HACE1: variants seen among roughly 807,000 people sequenced by gnomAD.
HACE1 encodes HECT domain and ankyrin repeat containing E3 ubiquitin protein ligase 1, also known as E3 ubiquitin-protein ligase HACE1.
A neutral mutation model predicts 118.4 loss-of-function variants in HACE1; 73 were observed. The observed-to-expected ratio is 0.62, with a 90% CI of 0.51 to 0.75. The LOEUF is 0.75. HACE1 is among the 30% of genes least tolerant of loss of function. HACE1 has a pLI of 0.00. For synonymous variants in HACE1, 368 were observed against 374.8 expected (o/e 0.98, Z 0.21); for missense variants, 749 against 1,102.2 (o/e 0.68, Z 4.54).
intron 19 of HACE1, among the ~76,000 whole-genome samples, chr6:104,761,243 C>A (rs1779322513): frequency 6.6e-6 from 1 of 152,162 alleles, no homozygotes; most frequent in South Asian, 2.1e-4. Context: ...ATAGCCATGA[C>A]AATCCTGGGC....
intron 7 of HACE1, among the ~76,000 whole-genome samples, chr6:104,799,454 C>T (rs978313083): frequency 1.3e-5 from 2 of 152,150 alleles, no homozygotes; most frequent in African/African-American, 4.8e-5. Flanking sequence ...GCTCTCTCAC[C>T]CGCTTCTGAT....
At chr6:104,799,437 G>T (rs1770051711) in intron 7 of HACE1, among the ~76,000 whole-genome samples, 2 of 152,142 alleles carry the variant, frequency 1.3e-5, no homozygotes, top group Non-Finnish European at 2.9e-5. Context: ...ACAAATTGCT[G>T]GGAAGAGCTC....
rs560580382 is a variant in HACE1, at chr6:104,841,136, T to C, written c.402+2087A>G. On this transcript the variant is annotated intron_variant, in intron 5 of 23. Coordinates refer to ENST00000262903, the MANE Select transcript of HACE1 (RefSeq NM_020771.4). ...TCTGTCTCAAAAAAAAAAAAAAAAA[T>C]AGCTGAGAGAAGTTGTTTAGGGAGT... Among the ~76,000 whole-genome samples the C allele has an allele frequency of 1.4e-3, 208 of 143,782 alleles. 1 individual carries two copies. The highest frequency in any genetic ancestry group is 5.1e-3 in the African/African-American group (201 of 39,380). 94.3% of individuals were successfully genotyped at this position (143,782 alleles called of 152,430 possible). A position where few individuals can be genotyped will look rare whatever the true frequency, so the allele number is the denominator to read the frequency against.
chr6:104,817,370 A>G (rs1373683738), intron 6 of HACE1, among the ~76,000 whole-genome samples: 2 of 152,020 alleles, frequency 1.3e-5, no homozygotes, highest in African/African-American at 4.8e-5. Context: ...CTGTAGGTTT[A>G]AAAGTGTGTG....
intron 7 of HACE1, among the ~76,000 whole-genome samples, chr6:104,804,027 A>C (rs1770706493): frequency 6.6e-6 from 1 of 152,198 alleles, no homozygotes; most frequent in South Asian, 2.1e-4. Flanking sequence ...CTCAGGATAC[A>C]AAATCAATGG....
intron 14 of HACE1, among the ~76,000 whole-genome samples, chr6:104,778,719 T>G (rs73508068): frequency 0.14 from 21,718 of 151,804 alleles, 1,604 homozygotes; most frequent in African/African-American, 0.19. Context: ...GAGAAAACTT[T>G]AACCCAGGAG....
chr6:104,854,085 G>A (rs1179888616), intron 1 of HACE1, among the ~76,000 whole-genome samples: 1 of 152,154 alleles, frequency 6.6e-6, no homozygotes, highest in African/African-American at 2.4e-5. Flanking sequence ...GATGAGGGTG[G>A]ACTACTGTTC....
At position 104,814,595 on chromosome 6, in the gene HACE1, G is replaced by T. The variant is rs956556896; in HGVS notation, c.535-3202C>A. 2.2e-5 allele frequency among the ~76,000 whole-genome samples: 3 copies of T among 137,758 alleles called. 1 individual carries two copies. The highest frequency in any genetic ancestry group is 8.7e-5 in the African/African-American group (3 of 34,350). The allele number at this position is 137,758 out of a possible 152,430, so 90.4% of individuals were successfully genotyped here. The stretch of plus-strand genomic sequence containing the variant: ...ATAGAAGATATGGAATCTAGAATAT[G>T]GAGATCAAACATGGGAGAGACACTA... On this transcript the variant is annotated intron_variant, in intron 6 of 23. Coordinates refer to ENST00000262903, the MANE Select transcript of HACE1 (RefSeq NM_020771.4).
chr6:104,745,580 A>G (rs1398534981), intron 20 of HACE1, among the ~76,000 whole-genome samples: 1 of 151,728 alleles, frequency 6.6e-6, no homozygotes, highest in Non-Finnish European at 1.5e-5. Context: ...AGCTAGGACT[A>G]CAGGCGCCTG....
At chr6:104,850,851 AGC>A in intron 3 of HACE1, 54 bp downstream of exon 3, 1 of 1,038,558 alleles carries the variant, frequency 9.6e-7, no homozygotes. Flanking sequence ...TGCTGTTCAA[AGC>A]TTACTGATCC....
At chr6:104,758,692 C>T (rs557147775) in intron 19 of HACE1, among the ~76,000 whole-genome samples, 19 of 152,254 alleles carry the variant, frequency 1.2e-4, no homozygotes, top group African/African-American at 4.6e-4. Context: ...CAAATTCACA[C>T]ATAACAATAC....
intron 19 of HACE1, among the ~76,000 whole-genome samples, chr6:104,752,989 G>A (rs1003960185): frequency 2.0e-5 from 3 of 152,076 alleles, no homozygotes; most frequent in African/African-American, 7.2e-5. Context: ...TAATTTTTCA[G>A]TAATATAAGA....
chr6:104,767,590 C>A (rs1446590715), intron 19 of HACE1, among the ~76,000 whole-genome samples: 1 of 152,152 alleles, frequency 6.6e-6, no homozygotes, highest in African/African-American at 2.4e-5. Flanking sequence ...CAATCATCTC[C>A]ACAGACTTCA....
intron 6 of HACE1, among the ~76,000 whole-genome samples, chr6:104,822,623 G>A (rs545997271): frequency 1.2e-3 from 182 of 152,096 alleles, no homozygotes; most frequent in Non-Finnish European, 2.1e-3. Context: ...TTGGGAGGCC[G>A]AGGCAGTCGG....
intron 19 of HACE1, among the ~76,000 whole-genome samples, chr6:104,763,823 G>A (rs1000038263): frequency 1.3e-5 from 2 of 152,098 alleles, no homozygotes; most frequent in African/African-American, 4.8e-5. Flanking sequence ...GCCGAGGTGG[G>A]CAGATCACTT....
intron 6 of HACE1, among the ~76,000 whole-genome samples, chr6:104,820,504 A>C (rs1236518761): frequency 3.3e-5 from 5 of 152,214 alleles, no homozygotes; most frequent in African/African-American, 9.6e-5. Context: ...AAAAAACAAC[A>C]ACCCCATTAA....
intron 20 of HACE1, among the ~76,000 whole-genome samples, chr6:104,745,730 C>G (rs1485696869): frequency 6.6e-6 from 1 of 152,008 alleles, no homozygotes; most frequent in Non-Finnish European, 1.5e-5. Context: ...CGTGAACCAC[C>G]GTGCCCGGCC....
At chr6:104,845,295 G>C (rs1156776282) in intron 4 of HACE1, among the ~76,000 whole-genome samples, 1 of 151,802 alleles carries the variant, frequency 6.6e-6, no homozygotes, top group Non-Finnish European at 1.5e-5. Context: ...ATAAAACTTT[G>C]ATTATTAATA....
intron 19 of HACE1, among the ~76,000 whole-genome samples, chr6:104,765,045 G>A (rs1779830281): frequency 6.6e-6 from 1 of 152,172 alleles, no homozygotes; most frequent in Non-Finnish European, 1.5e-5. Context: ...GCAACAAAGT[G>A]TTATATTTAT....
Sources: allele counts gnomAD v4.1 joint callset (sites outside exome capture counted in the v4.1 genomes callset), GRCh38; gene constraint gnomAD v4.1.1; transcripts MANE v1.5; gene names NCBI Gene and HGNC (gene_info 2026-07-23, HGNC 2026-07-21).